AKAP6: variants seen among roughly 807,000 people sequenced by gnomAD.
The protein encoded by AKAP6 is A-kinase anchor protein 6.
A neutral mutation model predicts 188.5 loss-of-function variants in AKAP6; 58 were observed. The ratio of observed to expected loss-of-function variants is 0.31; its 90% CI spans 0.25 to 0.38. The LOEUF (loss-of-function observed/expected upper bound fraction) is 0.38, where lower values mean the gene tolerates loss of function less well. AKAP6 is among the 10% of genes least tolerant of loss of function. The probability of loss-of-function intolerance (pLI) is 1.00; values close to 1 mark genes in which losing one functional copy is unlikely to be tolerated. For synonymous variants in AKAP6, 989 were observed against 998.6 expected (o/e 0.99, Z 0.18); for missense variants, 2,710 against 2,740.0 (o/e 0.99, Z 0.24).
intron 9 of AKAP6, among the ~76,000 whole-genome samples, chr14:32,728,955 A>G (rs1185274612): frequency 6.6e-6 from 1 of 152,126 alleles, no homozygotes. Flanking sequence ...TCTTTTGATG[A>G]TCCCTCTATT....
At chr14:32,540,491 G>A (rs893262874) in intron 3 of AKAP6, among the ~76,000 whole-genome samples, 2 of 151,932 alleles carry the variant, frequency 1.3e-5, no homozygotes, top group East Asian at 1.9e-4. Flanking sequence ...AAGCTACTGC[G>A]CCTGGCCTGC....
chr14:32,386,926 G>T (rs907159722), intron 1 of AKAP6, among the ~76,000 whole-genome samples: 3 of 151,944 alleles, frequency 2.0e-5, no homozygotes, highest in Middle Eastern at 3.2e-3. Context: ...AAGTATTTGG[G>T]TTTATTTATG....
intron 7 of AKAP6, among the ~76,000 whole-genome samples, chr14:32,671,437 G>A (rs1889189794): frequency 6.6e-6 from 1 of 151,332 alleles, no homozygotes; most frequent in South Asian, 2.1e-4. Flanking sequence ...ACAGAGAAAT[G>A]GAAAAATGAC....
rs374107651 is a variant in AKAP6, at chr14:32,349,845, T to G, written c.-35+20437T>G. On this transcript the variant is annotated intron_variant, in intron 1 of 13. Transcript: ENST00000280979. ...AACATTTTAGATGTGTGTTAGTGAG[T>G]ATCATGTAGTTCAAGAATGTAAGGA... is the stretch of plus-strand genomic sequence containing the variant. 3.3e-5 allele frequency among the ~76,000 whole-genome samples: 5 copies of G among 152,102 alleles called. No homozygotes were observed. The East Asian group carries it at 9.6e-4, about 29-fold the overall frequency.
chr14:32,420,247 G>C (rs1027828359), intron 1 of AKAP6, among the ~76,000 whole-genome samples: 2 of 151,994 alleles, frequency 1.3e-5, no homozygotes, highest in Non-Finnish European at 2.9e-5. Flanking sequence ...GGATGGTATG[G>C]CTACTCCCTG....
At chr14:32,335,572 A>G (rs991413601) in intron 1 of AKAP6, among the ~76,000 whole-genome samples, 1 of 152,178 alleles carries the variant, frequency 6.6e-6, no homozygotes. Context: ...CATTTCTTTT[A>G]TAGGCAATGG....
At chr14:32,690,121 G>A (rs1057033718) in intron 8 of AKAP6, among the ~76,000 whole-genome samples, 7 of 87,638 alleles carry the variant, frequency 8.0e-5, no homozygotes, top group Non-Finnish European at 1.4e-4. Context: ...ACACACACAC[G>A]ATTACTCAGC....
intron 13 of AKAP6, among the ~76,000 whole-genome samples, chr14:32,825,224 C>T (rs1422451387): frequency 2.0e-5 from 3 of 152,180 alleles, no homozygotes; most frequent in Non-Finnish European, 4.4e-5. Flanking sequence ...CTCTTCAGTG[C>T]CTGCAGATGA....
At position 32,374,162 on chromosome 14, in the gene AKAP6, T is replaced by C. The variant is rs142601497; in HGVS notation, c.-35+44754T>C. Among the ~76,000 whole-genome samples the C allele has an allele frequency of 1.4e-3, 208 of 152,308 alleles. 1 individual carries two copies. Among genetic ancestry groups the C allele is most frequent in the African/African-American group, 4.7e-3 (196 of 41,572 alleles). On this transcript the variant is annotated intron_variant, in intron 1 of 13. Coordinates refer to ENST00000280979, the MANE Select transcript of AKAP6 (RefSeq NM_004274.5). The stretch of plus-strand genomic sequence containing the variant: ...TGAGGACCTAGAATGTGTTGGGATA[T>C]GCTGGGTATTGTGTATACAAAGACT...
chr14:32,697,512 G>A (rs918395905), intron 9 of AKAP6, among the ~76,000 whole-genome samples: 4 of 152,040 alleles, frequency 2.6e-5, no homozygotes, highest in East Asian at 1.9e-4. Context: ...ATATGAAAAC[G>A]TGCATATAAA....
intron 1 of AKAP6, among the ~76,000 whole-genome samples, chr14:32,360,860 C>G (rs1311291034): frequency 6.6e-6 from 1 of 151,642 alleles, no homozygotes; most frequent in Non-Finnish European, 1.5e-5. Flanking sequence ...CCTCCCACCT[C>G]AGCCTCCTGA....
intron 2 of AKAP6, among the ~76,000 whole-genome samples, chr14:32,454,568 G>C (rs1891054914): frequency 1.3e-5 from 2 of 152,228 alleles, no homozygotes; most frequent in African/African-American, 4.8e-5. Flanking sequence ...ATGAGGCAAG[G>C]ACTAATGCTG....
At chr14:32,456,036 G>GT (rs962189589) in intron 2 of AKAP6, among the ~76,000 whole-genome samples, 11 of 151,386 alleles carry the variant, frequency 7.3e-5, no homozygotes, top group African/African-American at 1.2e-4. Flanking sequence ...ATTTGTTTCT[G>GT]TTTTTTTTCG....
At position 32,568,895 on chromosome 14, in the gene AKAP6, G is replaced by C. The variant is rs1884330521; in HGVS notation, c.2347-8225G>C. 1.3e-5 allele frequency among the ~76,000 whole-genome samples: 2 copies of C among 152,056 alleles called. No homozygotes were observed. The highest frequency in any genetic ancestry group is 4.1e-4 in the South Asian group (2 of 4,820). The stretch of plus-strand genomic sequence containing the variant: ...TTTTTATTTGTACCTATTTTTATTA[G>C]ACTTTGATGATATGCATTCCAATCT... On this transcript the variant is annotated intron_variant, in intron 4 of 13. Transcript: ENST00000280979. This position sits in a 1 kb window ranked among gnomAD's most constrained non-coding sequence, Gnocchi z 6.2.
intron 8 of AKAP6, among the ~76,000 whole-genome samples, chr14:32,688,945 T>G (rs1033287635): frequency 1.3e-5 from 2 of 152,154 alleles, no homozygotes; most frequent in African/African-American, 4.8e-5. Context: ...GGAAAACTAG[T>G]GAGGCCTAGA....
intron 2 of AKAP6, among the ~76,000 whole-genome samples, chr14:32,519,182 C>G (rs975680742): frequency 1.3e-5 from 2 of 152,220 alleles, no homozygotes; most frequent in African/African-American, 4.8e-5. Context: ...CTTACAAGAA[C>G]TCCTGAAGGA....
At chr14:32,338,977 A>G (rs28415683) in intron 1 of AKAP6, among the ~76,000 whole-genome samples, 45 of 152,278 alleles carry the variant, frequency 3.0e-4, no homozygotes, top group African/African-American at 9.6e-4. Context: ...TCTTTAATAT[A>G]TTTTAAATAT....
At chr14:32,433,957 G>A in intron 2 of AKAP6, 140 bp downstream of exon 2, 1 of 719,116 alleles carries the variant, frequency 1.4e-6, no homozygotes. Flanking sequence ...TATCTTTAGA[G>A]ATAAACATGG....
intron 5 of AKAP6, among the ~76,000 whole-genome samples, chr14:32,588,987 T>A (rs1885368678): frequency 6.6e-6 from 1 of 152,196 alleles, no homozygotes; most frequent in African/African-American, 2.4e-5. Flanking sequence ...TGTCTCTACC[T>A]CTGCTCCGTT....
Sources: allele counts gnomAD v4.1 joint callset (sites outside exome capture counted in the v4.1 genomes callset), GRCh38; gene constraint gnomAD v4.1.1; non-coding constraint Gnocchi (gnomAD v3.1); transcripts MANE v1.5; gene names NCBI Gene and HGNC (gene_info 2026-07-23, HGNC 2026-07-21).